The following PCDH7 variants were observed in gnomAD, a reference collection of about 807,000 sequenced individuals.
PCDH7 encodes the protein protocadherin-7.
PCDH7 carries 17 observed loss-of-function variants against 58.9 expected under a neutral mutation model. The observed-to-expected ratio is 0.29, with a 90% CI of 0.20 to 0.43. The LOEUF is 0.43. Among genes scored for constraint, PCDH7 ranks in the 20% least tolerant of loss-of-function variants. PCDH7 has a pLI of 1.00. For missense variants in PCDH7, 1,274 were observed against 1,441.0 expected (o/e 0.88, Z 1.88); for synonymous variants, 664 against 616.4 (o/e 1.08, Z -1.14).
At chr4:30,888,521 C>G (rs575859901) in intron 1 of PCDH7, among the ~76,000 whole-genome samples, 2 of 152,092 alleles carry the variant, frequency 1.3e-5, no homozygotes. Context: ...GGAACTTATA[C>G]AGACTCTAAA....
chr4:31,038,991 G>A (rs181609276), intron 3 of PCDH7, among the ~76,000 whole-genome samples: 1 of 152,040 alleles, frequency 6.6e-6, no homozygotes, highest in South Asian at 2.1e-4. Context: ...GAGTAAATTA[G>A]CATATACCAA....
chr4:30,806,912 T>C (rs1726290173), intron 1 of PCDH7, among the ~76,000 whole-genome samples: 1 of 152,250 alleles, frequency 6.6e-6, no homozygotes, highest in East Asian at 1.9e-4. Flanking sequence ...ATTATCTACA[T>C]TTTCATCATC....
At chr4:30,771,891 G>A (rs2109279280) in intron 1 of PCDH7, among the ~76,000 whole-genome samples, 1 of 152,188 alleles carries the variant, frequency 6.6e-6, no homozygotes, top group African/African-American at 2.4e-5. Context: ...TTTTCTTTGA[G>A]ATGGAGTTTT....
At chr4:30,862,957 A>G (rs1734392459) in intron 1 of PCDH7, among the ~76,000 whole-genome samples, 1 of 152,194 alleles carries the variant, frequency 6.6e-6, no homozygotes, top group South Asian at 2.1e-4. Context: ...AGGAATTAAA[A>G]AAAAAAGATT....
At chr4:30,736,757 C>T (rs1716352682), downstream of PCDH7, among the ~76,000 whole-genome samples, 1 of 151,802 alleles carries the variant, frequency 6.6e-6, no homozygotes, top group Non-Finnish European at 1.5e-5. Flanking sequence ...AGGATGGTCT[C>T]GATATCTTGA....
At chr4:30,851,042 A>G (rs547585312) in intron 1 of PCDH7, among the ~76,000 whole-genome samples, 3 of 152,148 alleles carry the variant, frequency 2.0e-5, no homozygotes, top group South Asian at 2.1e-4. Context: ...GTAAAATTTT[A>G]TAGGACTACT....
At chr4:30,890,960 A>G (rs1738527991) in intron 1 of PCDH7, among the ~76,000 whole-genome samples, 1 of 152,122 alleles carries the variant, frequency 6.6e-6, no homozygotes. Context: ...ACATGAACAG[A>G]AACTTTCTCA....
intron 3 of PCDH7, among the ~76,000 whole-genome samples, chr4:31,036,780 C>A (rs1042761398): frequency 8.5e-5 from 13 of 152,118 alleles, no homozygotes; most frequent in African/African-American, 3.1e-4. Context: ...TAAAGACATA[C>A]TGGAGACTGG....
chr4:30,913,518 G>GA (rs1197372991), intron 1 of PCDH7, among the ~76,000 whole-genome samples: 1 of 151,564 alleles, frequency 6.6e-6, no homozygotes, highest in East Asian at 1.9e-4. Context: ...TTTATTTTTT[G>GA]AAAAAAAGGT....
chr4:30,840,741 C>G (rs1403664874), intron 1 of PCDH7, among the ~76,000 whole-genome samples: 2 of 152,032 alleles, frequency 1.3e-5, no homozygotes, highest in Non-Finnish European at 2.9e-5. Context: ...GGAAGCAAAC[C>G]AAAGTCATTA....
intron 2 of PCDH7, among the ~76,000 whole-genome samples, chr4:30,937,233 A>C (rs952317248): frequency 6.6e-6 from 1 of 152,088 alleles, no homozygotes; most frequent in Non-Finnish European, 1.5e-5. Context: ...AAATAAGCAA[A>C]AAAACTTTAG....
At chr4:30,864,156 A>G (rs996359264) in intron 1 of PCDH7, among the ~76,000 whole-genome samples, 16 of 152,008 alleles carry the variant, frequency 1.1e-4, no homozygotes, top group African/African-American at 3.1e-4. Flanking sequence ...TGACCTTTTC[A>G]TTCATTTATA....
chr4:30,834,569 T>A (rs1730229310), intron 1 of PCDH7, among the ~76,000 whole-genome samples: 1 of 152,028 alleles, frequency 6.6e-6, no homozygotes, highest in Admixed American at 6.6e-5. Context: ...GTCTGGTACA[T>A]GGTTAGCTTT....
At chr4:30,864,238 C>T (rs1168338121) in intron 1 of PCDH7, among the ~76,000 whole-genome samples, 1 of 151,850 alleles carries the variant, frequency 6.6e-6, no homozygotes, top group Non-Finnish European at 1.5e-5. Flanking sequence ...AAAAACAGCA[C>T]AATAACATGT....
chr4:31,037,242 C>T (rs558240364), intron 3 of PCDH7, among the ~76,000 whole-genome samples: 12 of 152,176 alleles, frequency 7.9e-5, no homozygotes, highest in Non-Finnish European at 1.8e-4. Context: ...CTTGCCTGAT[C>T]TCCCTGAAAT....
intron 3 of PCDH7, among the ~76,000 whole-genome samples, chr4:30,983,405 G>A (rs1163307640): frequency 6.6e-6 from 1 of 152,120 alleles, no homozygotes; most frequent in Non-Finnish European, 1.5e-5. Flanking sequence ...TTGAGTGGAG[G>A]ACTAGTTTGT....
At chr4:30,756,657 C>A (rs1719351951) in intron 1 of PCDH7, among the ~76,000 whole-genome samples, 1 of 152,154 alleles carries the variant, frequency 6.6e-6, no homozygotes, top group Admixed American at 6.5e-5. Context: ...TATGTTACGC[C>A]ACTACCTATA....
At chr4:31,138,506 G>A (rs1417432373) in intron 3 of PCDH7, among the ~76,000 whole-genome samples, 1 of 152,124 alleles carries the variant, frequency 6.6e-6, no homozygotes, top group African/African-American at 2.4e-5. Context: ...GAAGCAATGG[G>A]TTGTAGTGGG....
intron 3 of PCDH7, among the ~76,000 whole-genome samples, chr4:31,105,250 C>T (rs1715407181): frequency 6.6e-6 from 1 of 151,908 alleles, no homozygotes; most frequent in East Asian, 1.9e-4. Flanking sequence ...TATAAAATAA[C>T]ATTATGAGTT....
Sources: allele counts gnomAD v4.1 joint callset (sites outside exome capture counted in the v4.1 genomes callset), GRCh38; gene constraint gnomAD v4.1.1; transcripts MANE v1.5; gene names NCBI Gene and HGNC (gene_info 2026-07-23, HGNC 2026-07-21).